CADM2: variants seen among roughly 807,000 people sequenced by gnomAD.
CADM2 encodes cell adhesion molecule 2, also known as immunoglobulin superfamily member 4D.
Under a neutral mutation model 49.8 loss-of-function variants are expected in CADM2, and 12 were observed. The ratio of observed to expected loss-of-function variants is 0.24; its 90% CI spans 0.15 to 0.39. The LOEUF is 0.39. CADM2 is among the 10% of genes least tolerant of loss of function. The pLI, the probability that CADM2 is intolerant of heterozygous loss-of-function variation, is 1.00. For missense variants in CADM2, 378 were observed against 492.3 expected (o/e 0.77, Z 2.20); for synonymous variants, 214 against 175.4 (o/e 1.22, Z -1.74).
chr3:86,040,037 G>T (rs1001903372), intron 8 of CADM2, among the ~76,000 whole-genome samples: 15 of 152,140 alleles, frequency 9.9e-5, no homozygotes, highest in African/African-American at 3.1e-4. Flanking sequence ...CTGTTAGAAG[G>T]AAAACTAACA....
At chr3:85,416,467 T>A (rs563329613) in intron 1 of CADM2, among the ~76,000 whole-genome samples, 3 of 152,242 alleles carry the variant, frequency 2.0e-5, no homozygotes, top group Non-Finnish European at 2.9e-5. Context: ...ACGTAAAAAA[T>A]TTACATATCA....
chr3:85,057,565 C>T (rs767263479), intron 1 of CADM2, among the ~76,000 whole-genome samples: 8 of 151,786 alleles, frequency 5.3e-5, no homozygotes, highest in African/African-American at 1.9e-4. Flanking sequence ...GATGTGATAC[C>T]GTTTGTTTCT....
intron 1 of CADM2, among the ~76,000 whole-genome samples, chr3:85,547,718 C>A (rs1239479898): frequency 6.6e-6 from 1 of 152,136 alleles, no homozygotes; most frequent in African/African-American, 2.4e-5. Context: ...AGTTGAATCT[C>A]CACTTTAGTC....
At chr3:85,578,774 A>T (rs1185342597) in intron 1 of CADM2, among the ~76,000 whole-genome samples, 1 of 152,166 alleles carries the variant, frequency 6.6e-6, no homozygotes. Context: ...TGTCATCTTT[A>T]TTTAACATTA....
At chr3:85,501,534 G>A (rs1288718591) in intron 1 of CADM2, among the ~76,000 whole-genome samples, 2 of 152,012 alleles carry the variant, frequency 1.3e-5, no homozygotes, top group Non-Finnish European at 2.9e-5. Context: ...ACCTAACGTT[G>A]TATGAATTTT....
intron 2 of CADM2, among the ~76,000 whole-genome samples, chr3:85,772,008 CTTT>C (rs397938377): frequency 1.6e-4 from 18 of 112,216 alleles, no homozygotes; most frequent in South Asian, 3.0e-4. Flanking sequence ...TTCTTTCTTT[CTTT>C]TTTTTTTTTT....
chr3:85,331,018 G>A (rs2044908723), intron 1 of CADM2, among the ~76,000 whole-genome samples: 1 of 151,962 alleles, frequency 6.6e-6, no homozygotes, highest in African/African-American at 2.4e-5. Flanking sequence ...TAATAGCTGT[G>A]CATATTTATG....
chr3:84,977,878 C>G (rs1306279739), intron 1 of CADM2, among the ~76,000 whole-genome samples: 1 of 152,032 alleles, frequency 6.6e-6, no homozygotes, highest in Non-Finnish European at 1.5e-5. Flanking sequence ...TCAAAGGGAA[C>G]ATTGCTTGCT....
At chr3:85,726,241 T>A (rs928467349) in intron 1 of CADM2, among the ~76,000 whole-genome samples, 4 of 151,992 alleles carry the variant, frequency 2.6e-5, no homozygotes, top group Non-Finnish European at 5.9e-5. Flanking sequence ...TAAGAAGAAC[T>A]TAAAGTTATA....
At chr3:85,555,151 A>G (rs1051327655) in intron 1 of CADM2, among the ~76,000 whole-genome samples, 1 of 152,204 alleles carries the variant, frequency 6.6e-6, no homozygotes, top group African/African-American at 2.4e-5. Context: ...ACGTCATTCC[A>G]GTATAATATT....
At position 84,973,881 on chromosome 3, in the gene CADM2, A is replaced by G. The variant is rs1048249582; in HGVS notation, c.61+14213A>G. ...ATTTGGCTTTTTGAAAGTGTCAGTT[A>G]AATGTTGTTCCTTAAACTTTTATTC... On this transcript the variant is annotated intron_variant, in intron 1 of 9. Transcript: ENST00000383699. 8.5e-5 allele frequency among the ~76,000 whole-genome samples: 13 copies of G among 152,300 alleles called. No homozygotes were observed. The East Asian group carries it at 1.5e-3, about 18-fold the overall frequency.
intron 1 of CADM2, among the ~76,000 whole-genome samples, chr3:85,528,844 A>T (rs554242288): frequency 1.9e-4 from 29 of 152,296 alleles, no homozygotes. Context: ...TCTCAGAAAA[A>T]ATCAAAGCAA....
intron 1 of CADM2, among the ~76,000 whole-genome samples, chr3:85,196,829 C>T (rs917090000): frequency 2.6e-5 from 4 of 151,964 alleles, no homozygotes; most frequent in African/African-American, 9.7e-5. Context: ...CAAATGACTC[C>T]ATTTCCTGCT....
At chr3:85,519,345 G>GT (rs1465303983) in intron 1 of CADM2, among the ~76,000 whole-genome samples, 12 of 152,102 alleles carry the variant, frequency 7.9e-5, no homozygotes, top group South Asian at 4.1e-4. Flanking sequence ...GTCATGCTTA[G>GT]TTTTTTTATT....
intron 8 of CADM2, among the ~76,000 whole-genome samples, chr3:86,036,149 C>A (rs1281297638): frequency 6.6e-6 from 1 of 152,078 alleles, no homozygotes; most frequent in Non-Finnish European, 1.5e-5. Flanking sequence ...CATAACACAT[C>A]TAATCTGTGT....
chr3:86,013,716 T>C (rs1731840381), intron 8 of CADM2: 18 of 1,597,194 alleles, frequency 1.1e-5, no homozygotes, highest in Admixed American at 3.4e-5. Flanking sequence ...AAGAGAGGAA[T>C]TTATAGGTTT....
At chr3:85,902,528 A>G (rs1292683046) in intron 5 of CADM2, among the ~76,000 whole-genome samples, 2 of 151,744 alleles carry the variant, frequency 1.3e-5, no homozygotes, top group Non-Finnish European at 2.9e-5. Context: ...TATAATTGAT[A>G]TTGGTTAATT....
intron 1 of CADM2, among the ~76,000 whole-genome samples, chr3:85,553,071 T>A (rs560395690): frequency 6.6e-6 from 1 of 152,054 alleles, no homozygotes; most frequent in African/African-American, 2.4e-5. Context: ...ATTATGTTCT[T>A]ACAATGAAAA....
intron 1 of CADM2, among the ~76,000 whole-genome samples, chr3:85,329,148 G>A (rs2044838168): frequency 6.6e-6 from 1 of 152,116 alleles, no homozygotes; most frequent in South Asian, 2.1e-4. Context: ...TAAGGGAAGA[G>A]ATACAGCTTT....
Sources: gnomAD v4.1 joint callset for allele counts (sites outside exome capture counted in the v4.1 genomes callset) on GRCh38, gnomAD v4.1.1 for gene constraint, MANE v1.5 for transcripts, NCBI Gene and HGNC (gene_info 2026-07-23, HGNC 2026-07-21) for gene names.